FAM241A: variants seen among roughly 807,000 people sequenced by gnomAD.
The protein encoded by FAM241A is family with sequence similarity 241 member A.
FAM241A carries 7 observed loss-of-function variants against 12.2 expected under a neutral mutation model. That is an observed-to-expected ratio of 0.58 (90% CI 0.33 to 1.08). FAM241A has a LOEUF of 1.08. FAM241A is among the 50% of genes least tolerant of loss of function. FAM241A has a pLI of 0.04. For synonymous variants in FAM241A, 74 were observed against 68.2 expected (o/e 1.08, Z -0.42); for missense variants, 161 against 169.7 (o/e 0.95, Z 0.29).
chr4:112,178,582 A>G (rs1723868448), intron 1 of FAM241A, among the ~76,000 whole-genome samples: 1 of 152,192 alleles, frequency 6.6e-6, no homozygotes, highest in African/African-American at 2.4e-5. Flanking sequence ...GGCCTTGGCA[A>G]AGAATTTTTG....
intron 1 of FAM241A, among the ~76,000 whole-genome samples, chr4:112,159,127 C>G (rs961183926): frequency 6.6e-6 from 1 of 152,124 alleles, no homozygotes; most frequent in East Asian, 1.9e-4. Context: ...TGGAAGAGCT[C>G]ACTGAGGTAA....
rs193242511 is a variant in FAM241A, at chr4:112,154,237, C to G, written c.153+8504C>G. On this transcript the variant is annotated intron_variant, in intron 1 of 1. Transcript: ENST00000309733. ...TATTTGATTTTGACTACTTTTTTCC[C>G]CTAAGTTTGATACTTTATTTTTTAA... Among the ~76,000 whole-genome samples, 646 of 152,102 alleles carry G rather than the reference C, an allele frequency of 4.2e-3. 7 individuals are homozygous for G. Among genetic ancestry groups the G allele is most frequent in the African/African-American group, 0.015 (620 of 41,502 alleles).
intron 1 of FAM241A, among the ~76,000 whole-genome samples, chr4:112,176,392 G>C (rs1177520154): frequency 6.6e-6 from 1 of 152,174 alleles, no homozygotes; most frequent in Non-Finnish European, 1.5e-5. Flanking sequence ...CAACTCTAAA[G>C]TAGGTATTAT....
At chr4:112,185,751 G>A (rs887411941) in intron 1 of FAM241A, among the ~76,000 whole-genome samples, 2 of 152,162 alleles carry the variant, frequency 1.3e-5, no homozygotes. Flanking sequence ...TCTCAAGAAG[G>A]CACATTGAGA....
At chr4:112,146,782 A>G (rs1379210017) in intron 1 of FAM241A, among the ~76,000 whole-genome samples, 1 of 152,274 alleles carries the variant, frequency 6.6e-6, no homozygotes, top group African/African-American at 2.4e-5. Context: ...GAAACAGAGT[A>G]ATACTGTGTG....
At position 112,162,581 on chromosome 4, in the gene FAM241A, T is replaced by G. The variant is rs187917619; in HGVS notation, c.153+16848T>G. On this transcript the variant is annotated intron_variant, in intron 1 of 1. Transcript: ENST00000309733. ...CACAGTTGCTTCAAAGAGAATAAAA[T>G]ACCTAGGAATCCAACTTAAAGGGAT... is the stretch of plus-strand genomic sequence containing the variant. Among the ~76,000 whole-genome samples the G allele has an allele frequency of 2.1e-3, 318 of 152,104 alleles. 12 individuals carry two copies. The highest frequency in any genetic ancestry group is 0.019 in the Admixed American group (291 of 15,270).
rs1724095107 is a variant in FAM241A at position 112,188,689 on chromosome 4, C to T, written c.*1751C>T. ...TGTATATCTACATAAAATATCAGTA[C>T]ATTTTTTTCTAATGCTACTGGAAAT... On this transcript the variant is annotated 3_prime_UTR_variant, in exon 2 of 2. Coordinates refer to ENST00000309733, the MANE Select transcript of FAM241A (RefSeq NM_152400.3). 6.6e-6 allele frequency: 1 copy of T among 152,076 alleles called. No individual in the cohort carries two copies. The highest frequency in any genetic ancestry group is 2.4e-5 in the African/African-American group (1 of 41,420). 9.4% of individuals were successfully genotyped at this position (152,076 alleles called of 1,614,324 possible). A position where few individuals can be genotyped will look rare whatever the true frequency, so the allele number is the denominator to read the frequency against.
At chr4:112,152,289 C>G (rs1723259398) in intron 1 of FAM241A, among the ~76,000 whole-genome samples, 1 of 152,050 alleles carries the variant, frequency 6.6e-6, no homozygotes, top group Non-Finnish European at 1.5e-5. Context: ...TAGGAAAAGG[C>G]CAGGAATGCT....
intron 1 of FAM241A, among the ~76,000 whole-genome samples, chr4:112,148,246 C>T (rs1020989497): frequency 7.6e-4 from 116 of 152,202 alleles, no homozygotes; most frequent in African/African-American, 2.7e-3. Context: ...CCACTTCTGT[C>T]TGAAAGGTTC....
intron 1 of FAM241A, among the ~76,000 whole-genome samples, chr4:112,167,411 A>G (rs1723621535): frequency 6.6e-6 from 1 of 152,170 alleles, no homozygotes; most frequent in East Asian, 1.9e-4. Flanking sequence ...CTTGCACTGC[A>G]GGTTGTGCCA....
intron 1 of FAM241A, among the ~76,000 whole-genome samples, chr4:112,165,561 T>C (rs554079129): frequency 6.6e-6 from 1 of 152,186 alleles, no homozygotes; most frequent in East Asian, 1.9e-4. Context: ...CCCAAGGGAG[T>C]ACTATTCAGC....
intron 1 of FAM241A, chr4:112,171,082 T>G: frequency 3.4e-6 from 1 of 290,674 alleles, no homozygotes; most frequent in East Asian, 7.8e-5. Flanking sequence ...GACCAGGTGC[T>G]ATACTACAGT....
At chr4:112,168,632 C>T (rs1300963728) in intron 1 of FAM241A, among the ~76,000 whole-genome samples, 1 of 151,628 alleles carries the variant, frequency 6.6e-6, no homozygotes, top group Non-Finnish European at 1.5e-5. Context: ...TTAAAGGAAA[C>T]TTAGTTCTAA....
intron 1 of FAM241A, among the ~76,000 whole-genome samples, chr4:112,164,503 C>G (rs958426486): frequency 3.2e-5 from 2 of 61,562 alleles, no homozygotes; most frequent in Non-Finnish European, 1.2e-4. Context: ...ATGTAAATGA[C>G]AAGTTAATGG....
chr4:112,191,746 T>TG lies in FAM241A; in HGVS notation c.*4810dup, dbSNP rs1446913046. On this transcript the variant is annotated 3_prime_UTR_variant, in exon 2 of 2. Coordinates refer to ENST00000309733, the MANE Select transcript of FAM241A (RefSeq NM_152400.3). ...CCAGTTTTGGTTCTTCATTATGGCT[T>TG]GGTTTCTCAAGTGCAACCCTGTGCT... The TG allele has an allele frequency of 1.3e-5, 2 of 152,216 alleles. No individual in the cohort carries two copies. The highest frequency in any genetic ancestry group is 4.8e-5 in the African/African-American group (2 of 41,428). The allele number at this position is 152,216 out of a possible 1,614,324, so 9.4% of individuals were successfully genotyped here.
In FAM241A at chr4:112,189,624, T is replaced by C. The variant is rs1724123819; in HGVS notation, c.*2686T>C. On this transcript the variant is annotated 3_prime_UTR_variant, in exon 2 of 2. Transcript: ENST00000309733. Reference sequence around the variant, plus strand: ...AAAAACTCTGTATTTTGTAGAATTCTGTCCTCTCATACCTTAAGCTGTCAT... The same window carrying C: ...AAAAACTCTGTATTTTGTAGAATTCCGTCCTCTCATACCTTAAGCTGTCAT... 6.6e-6 allele frequency: 1 copy of C among 152,196 alleles called. No homozygotes were observed. Among genetic ancestry groups the C allele is most frequent in the Non-Finnish European group, 1.5e-5 (1 of 68,048 alleles). 9.4% of individuals were successfully genotyped at this position (152,196 alleles called of 1,614,324 possible).
intron 1 of FAM241A, 121 bp from the exon 2 acceptor site, chr4:112,186,572 T>C (rs1724043380): frequency 1.1e-6 from 1 of 876,472 alleles, no homozygotes; most frequent in South Asian, 1.8e-5. Flanking sequence ...TAACAGGTAC[T>C]TGTAGAATAA....
chr4:112,170,982 G>T (rs958042205), intron 1 of FAM241A, among the ~76,000 whole-genome samples: 2 of 151,778 alleles, frequency 1.3e-5, no homozygotes, highest in African/African-American at 4.8e-5. Flanking sequence ...GTAGGAATGG[G>T]ATTAAAGGTT....
chr4:112,180,501 A>G (rs1217114227), intron 1 of FAM241A, among the ~76,000 whole-genome samples: 2 of 152,196 alleles, frequency 1.3e-5, no homozygotes, highest in Non-Finnish European at 1.5e-5. Flanking sequence ...TGTAGGCAGT[A>G]AAAAATACAG....
Sources: gnomAD v4.1 joint callset for allele counts (sites outside exome capture counted in the v4.1 genomes callset) on GRCh38, gnomAD v4.1.1 for gene constraint, MANE v1.5 for transcripts, NCBI Gene and HGNC (gene_info 2026-07-23, HGNC 2026-07-21) for gene names.